Variants in PRKAR1A observed in about 807,000 individuals in gnomAD.
PRKAR1A encodes the protein protein kinase cAMP-dependent type I regulatory subunit alpha.
A neutral mutation model predicts 52.0 loss-of-function variants in PRKAR1A; 3 were observed. The ratio of observed to expected loss-of-function variants is 0.06; its 90% confidence interval spans 0.03 to 0.15. The LOEUF is 0.15. Among genes scored for constraint, PRKAR1A ranks in the 10% least tolerant of loss-of-function variants. The pLI is 1.00. For synonymous variants in PRKAR1A, 188 were observed against 168.4 expected, an observed-to-expected ratio of 1.12 and a Z score of -0.90; for missense variants, 240 against 477.4, an observed-to-expected ratio of 0.50 and a Z score of 4.63.
the PRKAR1A span, chr17:68,453,105 G>A: frequency 1.3e-6 from 1 of 764,222 alleles, no homozygotes; most frequent in Non-Finnish European, 2.2e-6. Context: ...ACAAGCATCT[G>A]CAGGAGCTTA....
chr17:68,414,697 AT>A, the PRKAR1A span, among the ~76,000 whole-genome samples: 3 of 152,156 alleles, frequency 2.0e-5, no homozygotes, highest in African/African-American at 4.8e-5. Flanking sequence ...AAAAATTACC[AT>A]TTTAATCTCG....
At chr17:68,537,062 T>C (rs753365633), downstream of PRKAR1A, 4 of 457,858 alleles carry the variant, frequency 8.7e-6, no homozygotes, top group South Asian at 6.2e-5. The surrounding 1 kb of genome is among the most constrained non-coding windows in gnomAD (Gnocchi z 4.2). Flanking sequence ...CCAGGTGTTT[T>C]GTCTGGACCA....
the PRKAR1A span, among the ~76,000 whole-genome samples, chr17:68,432,890 C>G: frequency 2.0e-5 from 3 of 152,144 alleles, no homozygotes; most frequent in Admixed American, 6.5e-5. Context: ...CCATTCTGCA[C>G]AGGTGTAACT....
chr17:68,530,650 G>C lies in PRKAR1A; in HGVS notation c.*201G>C, dbSNP rs1393689020. 3 of 1,476,748 alleles carry C rather than the reference G, an allele frequency of 2.0e-6. No individual in the cohort carries two copies. Among genetic ancestry groups the C allele is most frequent in the Non-Finnish European group, 2.7e-6 (3 of 1,116,358 alleles). The allele number at this position is 1,476,748 out of a possible 1,614,324, so 91.5% of individuals were successfully genotyped here. On this transcript the variant is annotated 3_prime_UTR_variant, in exon 11 of 11. Transcript: ENST00000589228. ...ATGCTCATACACAGTTAAATAAATAGAAAGAGTTCTATGGAGACTTTGCTG... is the reference window on the plus strand; with the variant it reads ...ATGCTCATACACAGTTAAATAAATACAAAGAGTTCTATGGAGACTTTGCTG...
the PRKAR1A span, among the ~76,000 whole-genome samples, chr17:68,500,675 G>A: frequency 2.0e-3 from 305 of 152,046 alleles, 1 homozygote; most frequent in African/African-American, 6.7e-3. Context: ...CACCACGCCC[G>A]GCTAATTTTT....
chr17:68,546,781 G>C (rs2086590065), intron 11 of PRKAR1A, among the ~76,000 whole-genome samples: 1 of 142,642 alleles, frequency 7.0e-6, no homozygotes, highest in East Asian at 2.1e-4. Flanking sequence ...AGTGAGCTGA[G>C]ATTGAGCCAC....
chr17:68,536,935 C>G (rs1255940646), downstream of PRKAR1A: 1 of 454,190 alleles, frequency 2.2e-6, no homozygotes, highest in South Asian at 1.6e-5. Context: ...ATTACTGATT[C>G]AGATGGGTCC....
chr17:68,538,711 G>A (rs1028557737), intron 11 of PRKAR1A, among the ~76,000 whole-genome samples: 1 of 152,200 alleles, frequency 6.6e-6, no homozygotes, highest in Non-Finnish European at 1.5e-5. Flanking sequence ...GCAGAGGTCT[G>A]ATTAGTAATA....
rs2143409039 is a variant in PRKAR1A at position 68,532,569 on chromosome 17, A to G, written c.*2120A>G. On this transcript the variant is annotated 3_prime_UTR_variant, in exon 11 of 11. Coordinates refer to ENST00000589228, the MANE Select transcript of PRKAR1A (RefSeq NM_002734.5). ...TGTCTTAGTTGATATTCAAGGCTTT[A>G]AAAGTCATTATTCCTGGGCTTGGTA... 9.4e-7 allele frequency: 1 copy of G among 1,066,146 alleles called. No individual in the cohort carries two copies. The highest frequency in any genetic ancestry group is 1.1e-6 in the Non-Finnish European group (1 of 879,560). The allele number at this position is 1,066,146 out of a possible 1,614,324, so 66.0% of individuals were successfully genotyped here. A position where few individuals can be genotyped will look rare whatever the true frequency, so the allele number is the denominator to read the frequency against.
At chr17:68,449,994 G>T in the PRKAR1A span, among the ~76,000 whole-genome samples, 1 of 152,148 alleles carries the variant, frequency 6.6e-6, no homozygotes, top group Non-Finnish European at 1.5e-5. Context: ...CTGGGCAATA[G>T]GGCAAGACCC....
At chr17:68,486,401 TTTCTTTCTTTCTTTCC>T in the PRKAR1A span, among the ~76,000 whole-genome samples, 1 of 149,466 alleles carries the variant, frequency 6.7e-6, no homozygotes, top group Non-Finnish European at 1.5e-5. Context: ...TCTTTCTTTC[TTTCTTTCTTTCTTTCC>T]TTCCTTCTTT....
intron 11 of PRKAR1A, chr17:68,543,552 T>C (rs1236973667): frequency 7.7e-7 from 1 of 1,294,874 alleles, no homozygotes; most frequent in Admixed American, 1.7e-5. Context: ...AGTTCCCACC[T>C]TGAGGGTCTG....
In PRKAR1A at chr17:68,531,852, A is replaced by G. The variant is rs1234432411; in HGVS notation, c.*1403A>G. Reference sequence around the variant, plus strand: ...TTAAACAAAATTTCACAGTTCTGTAATGTAGGCACTTTTATTTTCATTGTG... The same window carrying G: ...TTAAACAAAATTTCACAGTTCTGTAGTGTAGGCACTTTTATTTTCATTGTG... On this transcript the variant is annotated 3_prime_UTR_variant, in exon 11 of 11. Coordinates refer to ENST00000589228, the MANE Select transcript of PRKAR1A (RefSeq NM_002734.5). 1.6e-5 allele frequency: 17 copies of G among 1,036,450 alleles called. No individual in the cohort carries two copies. Among genetic ancestry groups the G allele is most frequent in the Non-Finnish European group, 1.9e-5 (16 of 852,742 alleles). 64.2% of individuals were successfully genotyped at this position (1,036,450 alleles called of 1,614,324 possible). A position where few individuals can be genotyped will look rare whatever the true frequency, so the allele number is the denominator to read the frequency against.
At chr17:68,506,391 C>G in the PRKAR1A span, among the ~76,000 whole-genome samples, 2 of 152,024 alleles carry the variant, frequency 1.3e-5, no homozygotes, top group African/African-American at 4.8e-5. Flanking sequence ...GAGTTAGATG[C>G]CCTTTCAATG....
At chr17:68,542,636 G>A in intron 11 of PRKAR1A, 3 of 1,296,820 alleles carry the variant, frequency 2.3e-6, no homozygotes, top group Middle Eastern at 1.8e-4. Flanking sequence ...ATGGAGGGGT[G>A]GACACTCTGG....
the PRKAR1A span, among the ~76,000 whole-genome samples, chr17:68,471,982 T>C: frequency 6.6e-6 from 1 of 152,150 alleles, no homozygotes; most frequent in Non-Finnish European, 1.5e-5. Context: ...TTTGTATTTT[T>C]AGTAGAGACG....
At chr17:68,426,248 G>GGGGGGGGGGGGT in the PRKAR1A span, 1 of 832,028 alleles carries the variant, frequency 1.2e-6, no homozygotes, top group Non-Finnish European at 1.9e-6. Context: ...CGGGTGGGGA[G>GGGGGGGGGGGGT]CGGGGGCTCA....
At chr17:68,537,087 C>T, downstream of PRKAR1A, 1 of 462,464 alleles carries the variant, frequency 2.2e-6, no homozygotes, top group Non-Finnish European at 4.3e-6. This position sits in a 1 kb window ranked among gnomAD's most constrained non-coding sequence, Gnocchi z 4.2. Context: ...TTATCTTTGA[C>T]TTGTAGCTAG....
chr17:68,519,966 C>T (rs965994235), intron 2 of PRKAR1A, among the ~76,000 whole-genome samples: 3 of 152,254 alleles, frequency 2.0e-5, no homozygotes, highest in Non-Finnish European at 4.4e-5. Context: ...TAGTCGTCAG[C>T]TTTTGCTGGA....
Sources: allele counts gnomAD v4.1 joint callset (sites outside exome capture counted in the v4.1 genomes callset), GRCh38; gene constraint gnomAD v4.1.1; non-coding constraint Gnocchi (gnomAD v3.1); transcripts MANE v1.5; gene names NCBI Gene and HGNC (gene_info 2026-07-23, HGNC 2026-07-21).